Variants in TDRD3 observed in about 807,000 individuals in gnomAD.
The protein encoded by TDRD3 is tudor domain-containing protein 3.
In TDRD3, 45 loss-of-function variants were observed where a neutral mutation model predicts 86.7. The ratio of observed to expected loss-of-function variants is 0.52; its 90% confidence interval spans 0.41 to 0.67. TDRD3 has a LOEUF of 0.67. Ranked by LOEUF, TDRD3 falls within the 30% of genes least tolerant of loss-of-function variation. The pLI is 0.00. For missense variants in TDRD3, 814 were observed against 889.0 expected (o/e 0.92, Z 1.07); for synonymous variants, 298 against 301.7 (o/e 0.99, Z 0.13).
intron 3 of TDRD3, among the ~76,000 whole-genome samples, chr13:60,454,190 C>T (rs1955611797): frequency 6.6e-6 from 1 of 152,074 alleles, no homozygotes; most frequent in Admixed American, 6.6e-5. Context: ...AGAATTTGGA[C>T]TGAATGATAG....
At chr13:60,525,191 T>TG (rs1957395325) in intron 10 of TDRD3, among the ~76,000 whole-genome samples, 1 of 130,868 alleles carries the variant, frequency 7.6e-6, no homozygotes, top group East Asian at 2.1e-4. Context: ...TTTTTTTTTT[T>TG]GAGACGAGAT....
At chr13:60,503,956 T>G (rs1482925830) in intron 8 of TDRD3, among the ~76,000 whole-genome samples, 2 of 152,208 alleles carry the variant, frequency 1.3e-5, no homozygotes, top group Non-Finnish European at 2.9e-5. Context: ...TTTATAATGC[T>G]TTTTGCTAAA....
At chr13:60,455,060 C>T (rs971430588) in intron 3 of TDRD3, among the ~76,000 whole-genome samples, 2 of 151,914 alleles carry the variant, frequency 1.3e-5, no homozygotes, top group African/African-American at 4.8e-5. Context: ...ATTACAGGCG[C>T]CTGCCACCAC....
intron 1 of TDRD3, among the ~76,000 whole-genome samples, chr13:60,418,552 T>C (rs984312618): frequency 3.3e-5 from 5 of 152,278 alleles, no homozygotes; most frequent in Non-Finnish European, 5.9e-5. Context: ...TCAACAAATG[T>C]TTATTGAATA....
intron 12 of TDRD3, among the ~76,000 whole-genome samples, chr13:60,557,934 T>TG (rs2137939366): frequency 6.6e-6 from 1 of 151,350 alleles, no homozygotes; most frequent in South Asian, 2.1e-4. Flanking sequence ...GTGATTCTTC[T>TG]GCCTCAGCCT....
chr13:60,565,344 C>G (rs896991187), intron 12 of TDRD3, among the ~76,000 whole-genome samples: 1 of 152,046 alleles, frequency 6.6e-6, no homozygotes, highest in Non-Finnish European at 1.5e-5. Context: ...CGTGAGCCAC[C>G]GCGCCCGGCC....
chr13:60,399,920 G>A (rs913260260), intron 1 of TDRD3, among the ~76,000 whole-genome samples: 1 of 152,066 alleles, frequency 6.6e-6, no homozygotes, highest in African/African-American at 2.4e-5. Flanking sequence ...ATTTTTAAGC[G>A]CAGTTTTTTT....
chr13:60,489,233 C>T (rs976006879), intron 7 of TDRD3, among the ~76,000 whole-genome samples: 2 of 151,944 alleles, frequency 1.3e-5, no homozygotes, highest in Admixed American at 6.6e-5. Context: ...AGGTGTTTTT[C>T]CTAGTTATTT....
chr13:60,473,050 G>C (rs1956105274), intron 5 of TDRD3, among the ~76,000 whole-genome samples: 1 of 152,068 alleles, frequency 6.6e-6, no homozygotes, highest in African/African-American at 2.4e-5. Flanking sequence ...CCACAGACTG[G>C]GTAATTTATG....
intron 2 of TDRD3, among the ~76,000 whole-genome samples, chr13:60,442,349 T>C (rs1436654148): frequency 6.6e-6 from 1 of 151,536 alleles, no homozygotes; most frequent in Non-Finnish European, 1.5e-5. Flanking sequence ...ATCTTGCATT[T>C]ACTTAAGTAA....
At chr13:60,562,752 A>G (rs1019924335) in intron 12 of TDRD3, among the ~76,000 whole-genome samples, 1 of 152,210 alleles carries the variant, frequency 6.6e-6, no homozygotes, top group Admixed American at 6.5e-5. Flanking sequence ...AAATGATTCA[A>G]TTTTATTAAA....
At chr13:60,411,111 C>T (rs1166399309) in intron 1 of TDRD3, among the ~76,000 whole-genome samples, 1 of 152,162 alleles carries the variant, frequency 6.6e-6, no homozygotes, top group Admixed American at 6.5e-5. Context: ...CTGCTCTTTG[C>T]AACACAGACA....
intron 12 of TDRD3, among the ~76,000 whole-genome samples, chr13:60,557,712 G>A (rs1958228436): frequency 6.6e-6 from 1 of 150,670 alleles, no homozygotes; most frequent in Admixed American, 6.6e-5. Context: ...CTTATATCAA[G>A]CATTTCTTAT....
intron 10 of TDRD3, among the ~76,000 whole-genome samples, chr13:60,521,981 A>G (rs1957297017): frequency 6.6e-6 from 1 of 152,208 alleles, no homozygotes; most frequent in Non-Finnish European, 1.5e-5. Context: ...GTGGGATTTG[A>G]TAAGCAGAAG....
At chr13:60,472,497 A>C (rs117514241) in intron 5 of TDRD3, among the ~76,000 whole-genome samples, 6,783 of 152,174 alleles carry the variant, frequency 0.045, 208 homozygotes, top group Non-Finnish European at 0.064. Flanking sequence ...ACAAACAAAA[A>C]CCCCCAGAAA....
At chr13:60,488,058 C>G (rs571058165) in intron 7 of TDRD3, among the ~76,000 whole-genome samples, 2 of 152,164 alleles carry the variant, frequency 1.3e-5, no homozygotes, top group Non-Finnish European at 2.9e-5. Context: ...TCCTGCTGCT[C>G]ACTGCACAGT....
At chr13:60,467,847 A>G (rs1955982597) in intron 5 of TDRD3, among the ~76,000 whole-genome samples, 1 of 152,180 alleles carries the variant, frequency 6.6e-6, no homozygotes, top group Non-Finnish European at 1.5e-5. Flanking sequence ...TATTAACAAT[A>G]TCTTCATCTT....
chr13:60,459,377 T>A (rs1160931314), intron 3 of TDRD3, among the ~76,000 whole-genome samples: 1 of 152,234 alleles, frequency 6.6e-6, no homozygotes, highest in African/African-American at 2.4e-5. Flanking sequence ...ATTTTACTGT[T>A]ATTTCTCAAC....
intron 7 of TDRD3, among the ~76,000 whole-genome samples, chr13:60,491,456 C>G (rs750618445): frequency 1.3e-5 from 2 of 152,036 alleles, no homozygotes; most frequent in East Asian, 1.9e-4. Flanking sequence ...AATAATGAAC[C>G]CTGTAACACT....
Sources: gnomAD v4.1 joint callset for allele counts (sites outside exome capture counted in the v4.1 genomes callset) on GRCh38, gnomAD v4.1.1 for gene constraint, MANE v1.5 for transcripts, NCBI Gene and HGNC (gene_info 2026-07-23, HGNC 2026-07-21) for gene names.